RBM33: variants seen among roughly 807,000 people sequenced by gnomAD.
RBM33 encodes RNA binding motif protein 33.
Under a neutral mutation model 132.6 loss-of-function variants are expected in RBM33, and 28 were observed. That is an observed-to-expected ratio of 0.21 (90% CI 0.16 to 0.29). RBM33 has a LOEUF of 0.29. Among genes scored for constraint, RBM33 ranks in the 10% least tolerant of loss-of-function variants. The probability of loss-of-function intolerance (pLI) is 1.00; values close to 1 mark genes in which losing one functional copy is unlikely to be tolerated. For missense variants in RBM33, 1,291 were observed against 1,518.5 expected (o/e 0.85, Z 2.49); for synonymous variants, 634 against 593.0 (o/e 1.07, Z -1.01).
intron 1 of RBM33, among the ~76,000 whole-genome samples, chr7:155,648,654 T>G (rs2116862039): frequency 6.6e-6 from 1 of 152,210 alleles, no homozygotes; most frequent in East Asian, 1.9e-4. Context: ...AAATCTTTCA[T>G]GCTTAATTTC....
At chr7:155,650,161 G>C (rs1406611099) in intron 1 of RBM33, among the ~76,000 whole-genome samples, 7 of 152,226 alleles carry the variant, frequency 4.6e-5, no homozygotes, top group African/African-American at 1.7e-4. Flanking sequence ...CTTTTGACAA[G>C]CACTGCCTGG....
chr7:155,655,724 TTC>T (rs1256296826), intron 1 of RBM33, among the ~76,000 whole-genome samples: 2 of 152,046 alleles, frequency 1.3e-5, no homozygotes, highest in Non-Finnish European at 2.9e-5. Context: ...CATAAAGGAC[TTC>T]TGTTTCGTAC....
chr7:155,695,732 A>G (rs1032227027), intron 5 of RBM33, among the ~76,000 whole-genome samples: 1 of 152,210 alleles, frequency 6.6e-6, no homozygotes, highest in Non-Finnish European at 1.5e-5. Context: ...AAGTGCCGGG[A>G]TTATAGGCGT....
chr7:155,726,361 G>GT (rs766851424), intron 9 of RBM33, among the ~76,000 whole-genome samples: 5,259 of 144,418 alleles, frequency 0.036, 249 homozygotes, highest in African/African-American at 0.12. Flanking sequence ...GTTTTTCATC[G>GT]TTTTTTTTTT....
At chr7:155,737,989 C>A in intron 10 of RBM33, 71 bp from the exon 11 acceptor site, 1 of 1,342,358 alleles carries the variant, frequency 7.4e-7, no homozygotes, top group Admixed American at 1.8e-5. Context: ...TAGGATAGTG[C>A]TTCAGACTGC....
chr7:155,684,780 G>T (rs1197860596), intron 5 of RBM33, among the ~76,000 whole-genome samples: 2 of 152,148 alleles, frequency 1.3e-5, no homozygotes, highest in Non-Finnish European at 2.9e-5. Context: ...GTTCCCCTCT[G>T]TTTCTGGGCC....
intron 8 of RBM33, among the ~76,000 whole-genome samples, chr7:155,716,563 AGT>A (rs1467859930): frequency 6.6e-6 from 1 of 152,124 alleles, no homozygotes; most frequent in East Asian, 1.9e-4. Flanking sequence ...TGATCGAGTT[AGT>A]GAAGATCTGG....
intron 15 of RBM33, among the ~76,000 whole-genome samples, chr7:155,765,049 T>C (rs1045820649): frequency 6.6e-6 from 1 of 152,212 alleles, no homozygotes; most frequent in Non-Finnish European, 1.5e-5. Context: ...CATCCCTGAA[T>C]ATATGATGAG....
intron 11 of RBM33, chr7:155,739,138 A>G (rs1200913566): frequency 6.6e-6 from 1 of 152,272 alleles, no homozygotes; most frequent in East Asian, 1.9e-4. Context: ...TTTTTATTAA[A>G]AAAATGCAAT....
intron 1 of RBM33, 139 bp from the exon 2 acceptor site, chr7:155,665,036 A>G: frequency 1.6e-6 from 1 of 608,074 alleles, no homozygotes; most frequent in Non-Finnish European, 2.9e-6. Flanking sequence ...GCTAAAGTAA[A>G]ATGATAGTTA....
At chr7:155,698,109 C>T (rs1172989363) in intron 5 of RBM33, among the ~76,000 whole-genome samples, 3 of 152,166 alleles carry the variant, frequency 2.0e-5, no homozygotes, top group South Asian at 2.1e-4. Flanking sequence ...TGGCTCAGGC[C>T]TGTAATCCCA....
chr7:155,671,929 C>G (rs1798950906), intron 2 of RBM33, among the ~76,000 whole-genome samples: 1 of 152,018 alleles, frequency 6.6e-6, no homozygotes, highest in African/African-American at 2.4e-5. Flanking sequence ...TTTTTATTTG[C>G]TAAGGGTTTC....
intron 5 of RBM33, 88 bp from the exon 6 acceptor site, chr7:155,700,685 C>G: frequency 2.3e-6 from 2 of 875,894 alleles, no homozygotes; most frequent in Non-Finnish European, 3.2e-6. Context: ...GAAATATAAA[C>G]AATTAAATAT....
In RBM33 at chr7:155,763,921, G is replaced by A. The variant is rs746080703; in HGVS notation, c.3089G>A (p.Gly1030Asp). Residue 1030 changes from glycine (G) to aspartate (D), a missense_variant, in exon 15 of 18, where the codon GGC becomes GAC. Physicochemically the swap from Gly to Asp is moderately conservative, Grantham distance 94 (BLOSUM62 -1). Transcript: ENST00000401878. ...CGCAAGGTGACGCTGACCAGGGGGG[G>A]CCTCCAGCAGCCCCCACATCTGCCA... ...PARKVTLTRG[G>D]LQQPPHLPAG... 1 of 1,605,012 alleles carries A rather than the reference G, an allele frequency of 6.2e-7. No individual in the cohort carries two copies. Among genetic ancestry groups the A allele is most frequent in the Admixed American group, 1.7e-5 (1 of 58,744 alleles).
intron 2 of RBM33, among the ~76,000 whole-genome samples, chr7:155,667,957 C>T (rs1416351392): frequency 6.6e-6 from 1 of 152,128 alleles, no homozygotes; most frequent in African/African-American, 2.4e-5. Context: ...TATCCATACT[C>T]TCTGCAGCCC....
chr7:155,744,034 C>T (rs976665127), intron 13 of RBM33, among the ~76,000 whole-genome samples: 1 of 152,180 alleles, frequency 6.6e-6, no homozygotes, highest in Non-Finnish European at 1.5e-5. Context: ...GACAAGTAAT[C>T]CCTGAGTGAG....
Position 155,665,271 on chromosome 7 carries a change from TTCAC to T in RBM33, c.122+19_122+22del. 1 of 1,606,962 alleles carries T rather than the reference TTCAC, an allele frequency of 6.2e-7. No individual in the cohort carries two copies. The highest frequency in any genetic ancestry group is 1.3e-5 in the African/African-American group (1 of 74,936). Reference sequence around the variant, plus strand: ...TGGGACAGGTACGTGCACCCTGTGCTTCACCTAACTGCCTGTGCCGATCTCTCTC... The same window carrying T: ...TGGGACAGGTACGTGCACCCTGTGCTCTAACTGCCTGTGCCGATCTCTCTC... On this transcript the variant is annotated intron_variant, in intron 2 of 17. Transcript: ENST00000401878.
intron 9 of RBM33, among the ~76,000 whole-genome samples, chr7:155,735,724 TCTCTCTCTCTCTCTCTCC>T (rs1466652166): frequency 1.4e-4 from 21 of 145,626 alleles, no homozygotes; most frequent in Admixed American, 1.1e-3. Flanking sequence ...TCTCTGTCTC[TCTCTCTCTCTCTCTCTCC>T]CTCTCTCAGG....
At chr7:155,728,621 T>G (rs1404060523) in intron 9 of RBM33, among the ~76,000 whole-genome samples, 2 of 152,248 alleles carry the variant, frequency 1.3e-5, no homozygotes, top group Non-Finnish European at 2.9e-5. Flanking sequence ...TATTAAAGCC[T>G]GCCATGAAAT....
Sources: allele counts gnomAD v4.1 joint callset (sites outside exome capture counted in the v4.1 genomes callset), GRCh38; gene constraint gnomAD v4.1.1; transcripts MANE v1.5; gene names NCBI Gene and HGNC (gene_info 2026-07-23, HGNC 2026-07-21).